The following COL4A2 variants were observed in gnomAD, a reference collection of about 807,000 sequenced individuals.
COL4A2 encodes the protein collagen type IV alpha 2 chain.
In COL4A2, 99 loss-of-function variants were observed where a neutral mutation model predicts 200.2. That is an observed-to-expected ratio of 0.49 (90% CI 0.42 to 0.58). The LOEUF is 0.58. Among genes scored for constraint, COL4A2 ranks in the 20% least tolerant of loss-of-function variants. The pLI, the probability that COL4A2 is intolerant of heterozygous loss-of-function variation, is 0.00. For missense variants in COL4A2, 1,950 were observed against 2,314.1 expected (o/e 0.84, Z 3.23); for synonymous variants, 897 against 900.6 (o/e 1.00, Z 0.07).
intron 30 of COL4A2, among the ~76,000 whole-genome samples, chr13:110,478,998 G>A (rs1882798979): frequency 6.6e-6 from 1 of 152,198 alleles, no homozygotes; most frequent in African/African-American, 2.4e-5. Flanking sequence ...ATACACACTG[G>A]CTTCCCCCAT....
At chr13:110,349,130 G>C (rs1876838072) in intron 3 of COL4A2, among the ~76,000 whole-genome samples, 6 of 152,324 alleles carry the variant, frequency 3.9e-5, no homozygotes, top group Middle Eastern at 3.4e-3. Context: ...ACAATTTGCA[G>C]TGGTAGTAGA....
At chr13:110,467,961 G>A (rs990536955) in intron 27 of COL4A2, among the ~76,000 whole-genome samples, 2 of 152,230 alleles carry the variant, frequency 1.3e-5, no homozygotes, top group Non-Finnish European at 2.9e-5. Flanking sequence ...CACAGCCAGA[G>A]CTGTTCTCAC....
intron 4 of COL4A2, among the ~76,000 whole-genome samples, chr13:110,398,313 T>C (rs528367787): frequency 2.8e-4 from 43 of 152,294 alleles, no homozygotes; most frequent in African/African-American, 1.0e-3. Flanking sequence ...ACGGTAAATG[T>C]AAATAAGCAA....
At chr13:110,352,135 G>C (rs951947877) in intron 3 of COL4A2, among the ~76,000 whole-genome samples, 1 of 152,220 alleles carries the variant, frequency 6.6e-6, no homozygotes, top group Admixed American at 6.5e-5. Context: ...TGGCATGAAG[G>C]TGGTGCCCTC....
chr13:110,483,094 A>G (rs1001947760), intron 32 of COL4A2, among the ~76,000 whole-genome samples: 9 of 152,194 alleles, frequency 5.9e-5, no homozygotes, highest in Non-Finnish European at 1.2e-4. Context: ...TGGTCCACAC[A>G]TGAGGTGGGT....
intron 47 of COL4A2, among the ~76,000 whole-genome samples, chr13:110,509,270 T>TATATATATATATATACACACACAC (rs1435137108): frequency 6.9e-5 from 8 of 115,598 alleles, no homozygotes; most frequent in African/African-American, 2.4e-4. Flanking sequence ...TATATATATA[T>TATATATATATATATACACACACAC]ACACACACAC....
intron 4 of COL4A2, among the ~76,000 whole-genome samples, chr13:110,420,406 G>A (rs895176790): frequency 6.6e-6 from 1 of 152,204 alleles, no homozygotes; most frequent in African/African-American, 2.4e-5. Context: ...ACATGGTCTG[G>A]TGGTGGGAGC....
At chr13:110,386,968 G>T (rs1031567890) in intron 4 of COL4A2, among the ~76,000 whole-genome samples, 2 of 152,152 alleles carry the variant, frequency 1.3e-5, no homozygotes, top group Non-Finnish European at 2.9e-5. Flanking sequence ...GGCCGGGCAC[G>T]GTGGCTCATA....
intron 41 of COL4A2, 75 bp downstream of exon 41, chr13:110,501,859 G>A: frequency 2.1e-6 from 3 of 1,414,166 alleles, no homozygotes; most frequent in Non-Finnish European, 2.0e-6. Context: ...TAATGTAGGG[G>A]GAGAACAGAC....
intron 4 of COL4A2, among the ~76,000 whole-genome samples, chr13:110,422,755 C>T (rs1880303398): frequency 6.6e-6 from 1 of 152,224 alleles, no homozygotes; most frequent in Non-Finnish European, 1.5e-5. Flanking sequence ...ATCATCTTAA[C>T]TACTTCCCGT....
intron 3 of COL4A2, among the ~76,000 whole-genome samples, chr13:110,337,661 G>A (rs1876262296): frequency 6.6e-6 from 1 of 152,164 alleles, no homozygotes. Context: ...CTATCCAAAA[G>A]GTCCTGCTCC....
chr13:110,438,949 C>T (rs1594214462), intron 15 of COL4A2, among the ~76,000 whole-genome samples: 1 of 152,182 alleles, frequency 6.6e-6, no homozygotes, highest in African/African-American at 2.4e-5. Flanking sequence ...GGAGGAGGCG[C>T]GAGTACCGCA....
At chr13:110,334,942 G>A (rs1044651557) in intron 3 of COL4A2, among the ~76,000 whole-genome samples, 5 of 152,156 alleles carry the variant, frequency 3.3e-5, no homozygotes, top group East Asian at 1.9e-4. Flanking sequence ...CACGCAGCCC[G>A]TCTTCAGTCC....
intron 40 of COL4A2, 106 bp downstream of exon 40, chr13:110,495,573 C>A: frequency 3.5e-6 from 5 of 1,438,472 alleles, no homozygotes; most frequent in Non-Finnish European, 4.6e-6. Context: ...TGCAGAAGTG[C>A]AGGAAAGAGC....
chr13:110,449,635 A>C, intron 18 of COL4A2, 44 bp from the exon 19 acceptor site: 1 of 1,498,060 alleles, frequency 6.7e-7, no homozygotes, highest in Middle Eastern at 1.8e-4. Context: ...TGCGATCCGT[A>C]GACCACGGTC....
intron 3 of COL4A2, among the ~76,000 whole-genome samples, chr13:110,354,898 A>G (rs985573274): frequency 3.9e-5 from 6 of 152,200 alleles, no homozygotes; most frequent in Non-Finnish European, 7.3e-5. Context: ...CGGCAGTGGC[A>G]GAGTGGGCCT....
intron 21 of COL4A2, 138 bp downstream of exon 21, chr13:110,457,573 C>A (rs760823485): frequency 1.4e-6 from 1 of 710,008 alleles, no homozygotes; most frequent in Non-Finnish European, 2.6e-6. Context: ...GCCTCCTGTC[C>A]CCTTGGCGGT....
intron 4 of COL4A2, among the ~76,000 whole-genome samples, chr13:110,369,348 G>A (rs866882158): frequency 6.6e-6 from 1 of 152,196 alleles, no homozygotes; most frequent in African/African-American, 2.4e-5. Context: ...GCACTCAAAG[G>A]TCATCTCGTT....
intron 21 of COL4A2, 83 bp downstream of exon 21, chr13:110,457,518 C>A: frequency 1.2e-6 from 1 of 810,562 alleles, no homozygotes; most frequent in Non-Finnish European, 2.2e-6. Context: ...ATCCATCCCC[C>A]ACTCACGTGT....
Sources: gnomAD v4.1 joint callset for allele counts (sites outside exome capture counted in the v4.1 genomes callset) on GRCh38, gnomAD v4.1.1 for gene constraint, MANE v1.5 for transcripts, NCBI Gene and HGNC (gene_info 2026-07-23, HGNC 2026-07-21) for gene names.